Variants in RNF130 observed in about 807,000 individuals in gnomAD.
RNF130 encodes the protein ring finger protein 130, also known as E3 ubiquitin-protein ligase RNF130.
A neutral mutation model predicts 44.6 loss-of-function variants in RNF130; 21 were observed. The observed-to-expected ratio is 0.47, with a 90% CI of 0.33 to 0.68. RNF130 has a LOEUF of 0.68. RNF130 is among the 30% of genes least tolerant of loss of function. The pLI is 0.02. For missense variants in RNF130, 479 were observed against 560.6 expected (o/e 0.85, Z 1.47); for synonymous variants, 214 against 210.4 (o/e 1.02, Z -0.15).
chr5:180,012,909 A>C (rs912603639), intron 3 of RNF130, 152 bp downstream of exon 3: 1 of 817,136 alleles, frequency 1.2e-6, no homozygotes, highest in Non-Finnish European at 1.9e-6. Context: ...TCCCTTAAAT[A>C]CTCATGTAGA....
chr5:180,065,892 G>A (rs913387487), intron 1 of RNF130, among the ~76,000 whole-genome samples: 1 of 151,562 alleles, frequency 6.6e-6, no homozygotes, highest in African/African-American at 2.4e-5. Context: ...ATTCACAACT[G>A]CCTCGGAATA....
chr5:179,926,731 G>A (rs1022288252), intron 7 of RNF130, among the ~76,000 whole-genome samples: 2 of 152,140 alleles, frequency 1.3e-5, no homozygotes, highest in African/African-American at 2.4e-5. Flanking sequence ...AGGAGGGGGC[G>A]GTGGGCACCC....
chr5:180,027,856 C>T lies in RNF130; in HGVS notation c.442+12597G>A, dbSNP rs141781276. The stretch of plus-strand genomic sequence containing the variant: ...CAGCTGCCATCATTCACTGGGGCTC[C>T]GGCTGCCCGGCTCTGTGGCTGCTGC... On this transcript the variant is annotated intron_variant, in intron 2 of 8. Transcript: ENST00000521389. Among the ~76,000 whole-genome samples, 888 of 152,302 alleles carry T rather than the reference C, an allele frequency of 5.8e-3. 9 individuals carry two copies. Among genetic ancestry groups the T allele is most frequent in the African/African-American group, 0.02 (814 of 41,566 alleles).
chr5:180,070,982 C>A (rs911895371), intron 1 of RNF130, among the ~76,000 whole-genome samples: 3 of 29,122 alleles, frequency 1.0e-4, no homozygotes, highest in African/African-American at 2.7e-4. Flanking sequence ...TCCATTTACA[C>A]CCCCCCCCCA....
chr5:179,931,032 CAAA>C (rs34266288), intron 7 of RNF130, among the ~76,000 whole-genome samples: 147 of 74,294 alleles, frequency 2.0e-3, no homozygotes, highest in East Asian at 7.3e-3. Flanking sequence ...ACCTCTGTCT[CAAA>C]AAAAAAAAAA....
chr5:179,920,795 A>ATTTTTT (rs71959214), intron 7 of RNF130, among the ~76,000 whole-genome samples: 23 of 143,422 alleles, frequency 1.6e-4, no homozygotes, highest in Middle Eastern at 7.2e-3. Flanking sequence ...ATATATATAT[A>ATTTTTT]TTTTTTTTTT....
chr5:180,005,026 TTTA>T (rs1763431200), intron 3 of RNF130, among the ~76,000 whole-genome samples: 1 of 152,186 alleles, frequency 6.6e-6, no homozygotes, highest in Admixed American at 6.5e-5. Context: ...ATAACCTTAT[TTTA>T]TTAATATCAT....
Position 179,930,351 on chromosome 5 carries a change from C to T in RNF130, c.1151-9925G>A, listed in dbSNP as rs563575883. Among the ~76,000 whole-genome samples, 40 of 152,166 alleles carry T rather than the reference C, an allele frequency of 2.6e-4. No individual in the cohort carries two copies. In the East Asian group the frequency reaches 4.6e-3, roughly 18 times the overall value. On this transcript the variant is annotated intron_variant, in intron 7 of 7. Transcript: ENST00000522208. ...GATTACAGGCATGAGCCACTGCACCCGGCCAAAAATTTCATTTTAAATTGC... is the reference window on the plus strand; with the variant it reads ...GATTACAGGCATGAGCCACTGCACCTGGCCAAAAATTTCATTTTAAATTGC...
chr5:180,040,690 T>A, intron 1 of RNF130, 43 bp from the exon 2 acceptor site: 1 of 1,549,438 alleles, frequency 6.5e-7, no homozygotes, highest in Non-Finnish European at 8.8e-7. Flanking sequence ...TAAATAAAAC[T>A]GACCAAGTCT....
intron 1 of RNF130, among the ~76,000 whole-genome samples, chr5:180,060,808 G>C (rs1182156952): frequency 6.6e-6 from 1 of 152,096 alleles, no homozygotes; most frequent in East Asian, 1.9e-4. Context: ...TCGGCCGGGC[G>C]CCTGTAATCC....
At chr5:179,944,442 G>C (rs1027295297) in intron 7 of RNF130, among the ~76,000 whole-genome samples, 16 of 151,826 alleles carry the variant, frequency 1.1e-4, no homozygotes, top group Non-Finnish European at 2.4e-4. Context: ...CGGAATTAAC[G>C]CTCCAATTTT....
At chr5:179,976,310 T>C (rs139897204) in intron 5 of RNF130, among the ~76,000 whole-genome samples, 330 of 152,348 alleles carry the variant, frequency 2.2e-3, no homozygotes, top group African/African-American at 7.7e-3. Context: ...TCTAGTAATA[T>C]ACCCATGAAT....
intron 1 of RNF130, among the ~76,000 whole-genome samples, chr5:180,055,807 T>C (rs1417707883): frequency 6.6e-6 from 1 of 152,100 alleles, no homozygotes; most frequent in East Asian, 1.9e-4. Context: ...CCATTACAAC[T>C]GGTGCGTGGC....
chr5:179,987,271 C>T (rs1221966212), intron 3 of RNF130, among the ~76,000 whole-genome samples: 1 of 152,060 alleles, frequency 6.6e-6, no homozygotes, highest in African/African-American at 2.4e-5. Flanking sequence ...GGGCTCAATC[C>T]ATCCTCCTGC....
At chr5:179,960,671 GACTAGTA>G (rs1762306656) in intron 8 of RNF130, among the ~76,000 whole-genome samples, 1 of 152,144 alleles carries the variant, frequency 6.6e-6, no homozygotes, top group Non-Finnish European at 1.5e-5. Flanking sequence ...CAAGAACAGT[GACTAGTA>G]ACACTGCCAG....
chr5:180,032,385 C>G (rs1764150226), intron 2 of RNF130, among the ~76,000 whole-genome samples: 1 of 152,010 alleles, frequency 6.6e-6, no homozygotes, highest in South Asian at 2.1e-4. Flanking sequence ...TTCTTTCCTT[C>G]TTCCTTGAAA....
At chr5:179,988,228 A>G (rs1258707543) in intron 3 of RNF130, among the ~76,000 whole-genome samples, 6 of 152,156 alleles carry the variant, frequency 3.9e-5, no homozygotes, top group African/African-American at 1.4e-4. Context: ...ATGTTAGTGT[A>G]TAATTCTTCA....
At chr5:179,982,534 A>C (rs1762861768) in intron 3 of RNF130, among the ~76,000 whole-genome samples, 1 of 151,826 alleles carries the variant, frequency 6.6e-6, no homozygotes, top group Admixed American at 6.6e-5. Context: ...GTTCCTCCAC[A>C]TTCTCACCAA....
intron 7 of RNF130, among the ~76,000 whole-genome samples, chr5:179,949,130 T>C (rs920082928): frequency 3.3e-5 from 5 of 152,074 alleles, no homozygotes; most frequent in African/African-American, 1.2e-4. Context: ...CACGCCCGGC[T>C]AATTTTTGTA....
Sources: allele counts gnomAD v4.1 joint callset (sites outside exome capture counted in the v4.1 genomes callset), GRCh38; gene constraint gnomAD v4.1.1; transcripts MANE v1.5; gene names NCBI Gene and HGNC (gene_info 2026-07-23, HGNC 2026-07-21).